The following SGCD variants were observed in gnomAD, a reference collection of about 807,000 sequenced individuals.
The protein encoded by SGCD is delta-sarcoglycan.
A neutral mutation model predicts 36.6 loss-of-function variants in SGCD; 18 were observed. The ratio of observed to expected loss-of-function variants is 0.49; its 90% CI spans 0.34 to 0.73. SGCD has a LOEUF of 0.73. Ranked by LOEUF, SGCD falls within the 30% of genes least tolerant of loss-of-function variation. The pLI is 0.01. For synonymous variants in SGCD, 133 were observed against 130.6 expected, an observed-to-expected ratio of 1.02 and a Z score of -0.12; for missense variants, 387 against 346.7, an observed-to-expected ratio of 1.12 and a Z score of -0.92.
the SGCD span, among the ~76,000 whole-genome samples, chr5:155,832,429 T>C: frequency 6.6e-6 from 1 of 152,222 alleles, no homozygotes; most frequent in Non-Finnish European, 1.5e-5. Flanking sequence ...TCTCTATGTC[T>C]TTGTACTTCC....
At chr5:156,614,737 C>A (rs189886809) in intron 6 of SGCD, among the ~76,000 whole-genome samples, 73 of 152,302 alleles carry the variant, frequency 4.8e-4, no homozygotes, top group African/African-American at 1.7e-3. Flanking sequence ...ACTGTCTTCT[C>A]AATTCCAGTT....
chr5:155,803,621 A>G, the SGCD span, among the ~76,000 whole-genome samples: 1 of 152,342 alleles, frequency 6.6e-6, no homozygotes, highest in South Asian at 2.1e-4. Flanking sequence ...GCAAGCAGGC[A>G]AACTCTGTCA....
chr5:156,188,672 C>CG (rs1554082789), intron 3 of SGCD, among the ~76,000 whole-genome samples: 1 of 135,794 alleles, frequency 7.4e-6, no homozygotes, highest in South Asian at 2.6e-4. Context: ...CCAACCGCCC[C>CG]CCCCGACACA....
At chr5:156,315,129 C>T (rs1373921825) in intron 3 of SGCD, among the ~76,000 whole-genome samples, 2 of 151,886 alleles carry the variant, frequency 1.3e-5, no homozygotes, top group African/African-American at 2.4e-5. Flanking sequence ...ATTACAGTTA[C>T]CATGTTGTCC....
At chr5:155,746,540 T>A in the SGCD span, among the ~76,000 whole-genome samples, 1 of 151,832 alleles carries the variant, frequency 6.6e-6, no homozygotes, top group Non-Finnish European at 1.5e-5. Flanking sequence ...GCCTTGAGAG[T>A]TCTGTGTTGT....
intron 3 of SGCD, among the ~76,000 whole-genome samples, chr5:156,152,251 C>T (rs1762851355): frequency 6.6e-6 from 1 of 151,560 alleles, no homozygotes; most frequent in South Asian, 2.1e-4. Context: ...AAGACATTGA[C>T]CTTACTGAAA....
intron 7 of SGCD, among the ~76,000 whole-genome samples, chr5:156,747,446 C>T (rs66744889): frequency 0.14 from 20,572 of 152,120 alleles, 2,696 homozygotes; most frequent in African/African-American, 0.35. Flanking sequence ...AGTGATCTTA[C>T]CAAACGCTGG....
rs1383082480 is a variant in SGCD, at chr5:155,978,806, AG to A, written c.-282+108388del. ...ATTTCTTCCAAAAGAATGCAGGGGG[AG>A]GGGGGATATTGGAGTTATTTTAAAA... On this transcript the variant is annotated intron_variant, in intron 1 of 9. Transcript: ENST00000517913. 4.0e-5 allele frequency among the ~76,000 whole-genome samples: 6 copies of A among 151,266 alleles called. No homozygotes were observed. The South Asian group carries it at 6.3e-4, about 16-fold the overall frequency.
intron 3 of SGCD, among the ~76,000 whole-genome samples, chr5:156,286,497 GA>G (rs1460084237): frequency 1.3e-5 from 2 of 152,124 alleles, no homozygotes; most frequent in African/African-American, 4.8e-5. Context: ...TGCAGCCATA[GA>G]AAAGGATGAG....
At chr5:156,461,042 G>A (rs546780542) in intron 3 of SGCD, among the ~76,000 whole-genome samples, 7 of 152,082 alleles carry the variant, frequency 4.6e-5, no homozygotes, top group Non-Finnish European at 1.5e-5. Context: ...GTGGTTCCAG[G>A]GCATACTTTA....
At chr5:156,636,094 C>G (rs1762819513) in intron 6 of SGCD, among the ~76,000 whole-genome samples, 2 of 152,014 alleles carry the variant, frequency 1.3e-5, no homozygotes. Flanking sequence ...GTTGTAAACC[C>G]AGCCAAAAAT....
intron 1 of SGCD, among the ~76,000 whole-genome samples, chr5:155,941,639 T>G (rs73810354): frequency 0.1 from 15,351 of 151,702 alleles, 897 homozygotes; most frequent in South Asian, 0.17. Flanking sequence ...AAAATTTAAT[T>G]ACATTACTAT....
chr5:155,953,053 T>A (rs1028582797), intron 1 of SGCD, among the ~76,000 whole-genome samples: 5 of 152,154 alleles, frequency 3.3e-5, no homozygotes, highest in South Asian at 2.1e-4. Flanking sequence ...AGGCTTTTTT[T>A]AATTCTGTGT....
intron 4 of SGCD, among the ~76,000 whole-genome samples, chr5:156,562,575 A>T (rs1399438432): frequency 6.6e-6 from 1 of 152,088 alleles, no homozygotes; most frequent in Non-Finnish European, 1.5e-5. Context: ...CACTCTGAGG[A>T]AAAGGGAGAC....
At chr5:156,014,311 A>G (rs1175221573) in intron 1 of SGCD, among the ~76,000 whole-genome samples, 1 of 152,040 alleles carries the variant, frequency 6.6e-6, no homozygotes, top group Non-Finnish European at 1.5e-5. Flanking sequence ...TTAAACTTTT[A>G]TTTTGAAATA....
chr5:156,076,672 T>G lies in SGCD; in HGVS notation c.-281-41206T>G, dbSNP rs116725959. Among the ~76,000 whole-genome samples the G allele has an allele frequency of 6.7e-3, 1,021 of 152,348 alleles. 5 individuals carry two copies. The highest frequency in any genetic ancestry group is 0.023 in the African/African-American group (944 of 41,574). On this transcript the variant is annotated intron_variant, in intron 1 of 9. Transcript: ENST00000517913. ...CAGATAGTCCCACATGTATGCCAAT[T>G]TCTTCCCACCATCAGGTATTTTAAT...
chr5:156,200,007 A>T (rs1216549166), intron 3 of SGCD, among the ~76,000 whole-genome samples: 1 of 152,152 alleles, frequency 6.6e-6, no homozygotes, highest in African/African-American at 2.4e-5. Flanking sequence ...ACATAGTGTG[A>T]TGTAGAAGAA....
chr5:156,204,487 C>CAT (rs1312263429), intron 3 of SGCD, among the ~76,000 whole-genome samples: 6 of 151,772 alleles, frequency 4.0e-5, no homozygotes, highest in Non-Finnish European at 1.5e-5. Flanking sequence ...CACACACACA[C>CAT]ACACACACAC....
chr5:156,222,958 C>G (rs2127646688), intron 3 of SGCD, among the ~76,000 whole-genome samples: 1 of 152,170 alleles, frequency 6.6e-6, no homozygotes, highest in South Asian at 2.1e-4. Flanking sequence ...CTTGGTGATT[C>G]TTATGCACCT....
Sources: gnomAD v4.1 joint callset for allele counts (sites outside exome capture counted in the v4.1 genomes callset) on GRCh38, gnomAD v4.1.1 for gene constraint, MANE v1.5 for transcripts, NCBI Gene and HGNC (gene_info 2026-07-23, HGNC 2026-07-21) for gene names.